The following TRPM3 variants were observed in gnomAD, a reference collection of about 807,000 sequenced individuals.
TRPM3 encodes the protein transient receptor potential cation channel subfamily M member 3.
In TRPM3, 77 loss-of-function variants were observed where a neutral mutation model predicts 181.2. The ratio of observed to expected loss-of-function variants is 0.42; its 90% CI spans 0.35 to 0.51. The LOEUF (loss-of-function observed/expected upper bound fraction) is 0.51. TRPM3 is among the 20% of genes least tolerant of loss of function. The pLI is 0.01. For missense variants in TRPM3, 1,759 were observed against 2,196.7 expected (o/e 0.80, Z 3.98); for synonymous variants, 745 against 796.4 (o/e 0.94, Z 1.09).
intron 1 of TRPM3, among the ~76,000 whole-genome samples, chr9:71,153,599 A>G (rs2075844720): frequency 6.6e-6 from 1 of 152,010 alleles, no homozygotes; most frequent in Admixed American, 6.6e-5. Flanking sequence ...TTGTTTTTCT[A>G]AATGTCTATA....
chr9:70,797,755 C>G (rs1363014966), intron 6 of TRPM3, among the ~76,000 whole-genome samples: 1 of 152,192 alleles, frequency 6.6e-6, no homozygotes, highest in African/African-American at 2.4e-5. Context: ...ACGGTTTGCT[C>G]AGCTCTGCCT....
At chr9:71,369,267 AAG>A (rs1215940231) in intron 1 of TRPM3, among the ~76,000 whole-genome samples, 3 of 152,300 alleles carry the variant, frequency 2.0e-5, no homozygotes, top group East Asian at 3.9e-4. Flanking sequence ...GAGGAGAAAA[AAG>A]AGGGAAAATA....
chr9:70,843,800 A>G (rs2094824791), intron 4 of TRPM3, among the ~76,000 whole-genome samples: 1 of 152,126 alleles, frequency 6.6e-6, no homozygotes, highest in African/African-American at 2.4e-5. Flanking sequence ...TTTAAAAACC[A>G]TTTAAAGAAG....
chr9:71,357,492 G>T (rs2091951172), intron 1 of TRPM3, among the ~76,000 whole-genome samples: 1 of 152,122 alleles, frequency 6.6e-6, no homozygotes, highest in Non-Finnish European at 1.5e-5. Flanking sequence ...TGCATACAAA[G>T]ATAGCAGTAC....
At chr9:71,262,352 G>A (rs74842151) in intron 1 of TRPM3, among the ~76,000 whole-genome samples, 13,504 of 152,138 alleles carry the variant, frequency 0.089, 758 homozygotes, top group Non-Finnish European at 0.11. Flanking sequence ...CAGTAATGGC[G>A]GACGTCCCTC....
In TRPM3 at chr9:71,017,780, A is replaced by G. The variant is rs532733071; in HGVS notation, c.177+103398T>C. On this transcript the variant is annotated intron_variant, in intron 1 of 25. Transcript: ENST00000677713. Reference sequence around the variant, plus strand: ...AACACACCTTTCTCGAAACTGATAGAATACGCAGGAAAAATGTCACAAAAA... The same window carrying G: ...AACACACCTTTCTCGAAACTGATAGGATACGCAGGAAAAATGTCACAAAAA... Among the ~76,000 whole-genome samples the G allele has an allele frequency of 2.0e-5, 3 of 152,004 alleles. No individual in the cohort carries two copies. In the South Asian group the frequency reaches 6.2e-4, roughly 31 times the overall value.
chr9:70,759,368 C>T (rs999249216), intron 8 of TRPM3, among the ~76,000 whole-genome samples: 1 of 152,326 alleles, frequency 6.6e-6, no homozygotes, highest in Non-Finnish European at 1.5e-5. Context: ...AATAGAAACA[C>T]TTTTACACTG....
intron 1 of TRPM3, among the ~76,000 whole-genome samples, chr9:71,062,525 T>A (rs957584714): frequency 6.6e-6 from 1 of 151,960 alleles, no homozygotes; most frequent in African/African-American, 2.4e-5. Flanking sequence ...GCCAGTGGAG[T>A]GATGCTTAAA....
chr9:70,607,915 C>T (rs528240178), intron 19 of TRPM3, among the ~76,000 whole-genome samples: 38 of 152,330 alleles, frequency 2.5e-4, no homozygotes, highest in African/African-American at 9.1e-4. Context: ...AGCAGTCAGT[C>T]AGCCTATTGC....
chr9:70,855,155 A>G (rs918312855), intron 3 of TRPM3, among the ~76,000 whole-genome samples: 3 of 152,206 alleles, frequency 2.0e-5, no homozygotes, highest in African/African-American at 7.2e-5. Flanking sequence ...CTATCAAAGC[A>G]GAACTCAACT....
intron 1 of TRPM3, among the ~76,000 whole-genome samples, chr9:71,420,856 AAAGAGAG>A (rs374119561): frequency 0.016 from 1 of 64 alleles, no homozygotes; most frequent in Non-Finnish European, 0.05. Context: ...AGAGAGAGAG[AAAGAGAG>A]AGAGGGAGAG....
intron 1 of TRPM3, among the ~76,000 whole-genome samples, chr9:71,420,813 A>AGAGAAAG (rs1565557668): frequency 2.7e-4 from 3 of 10,944 alleles, no homozygotes; most frequent in African/African-American, 6.4e-4. Context: ...GAGAGAAAGA[A>AGAGAAAG]AGAGAGAAAG....
At chr9:71,184,952 T>A (rs1278354411) in intron 1 of TRPM3, among the ~76,000 whole-genome samples, 1 of 152,082 alleles carries the variant, frequency 6.6e-6, no homozygotes, top group African/African-American at 2.4e-5. Flanking sequence ...TAGAAACACA[T>A]ACACACACAA....
intron 22 of TRPM3, among the ~76,000 whole-genome samples, chr9:70,590,625 C>T (rs1272899911): frequency 6.6e-6 from 1 of 152,152 alleles, no homozygotes; most frequent in East Asian, 1.9e-4. Context: ...TTTATTTGTT[C>T]TGAAGTCCAA....
intron 1 of TRPM3, among the ~76,000 whole-genome samples, chr9:70,956,606 C>T (rs79116746): frequency 6.6e-6 from 1 of 152,040 alleles, no homozygotes; most frequent in Non-Finnish European, 1.5e-5. Context: ...AATTCTTAGG[C>T]TGGGCATGGT....
At chr9:71,210,924 T>C (rs1299703140) in intron 1 of TRPM3, among the ~76,000 whole-genome samples, 2 of 152,228 alleles carry the variant, frequency 1.3e-5, no homozygotes, top group East Asian at 1.9e-4. Flanking sequence ...GCATACACTC[T>C]GGTGTCTCTT....
chr9:70,817,966 T>C (rs993318937), intron 6 of TRPM3, among the ~76,000 whole-genome samples: 1 of 152,178 alleles, frequency 6.6e-6, no homozygotes, highest in Non-Finnish European at 1.5e-5. Flanking sequence ...TTGGAACTGT[T>C]ATTTCTGTTA....
intron 1 of TRPM3, among the ~76,000 whole-genome samples, chr9:71,146,070 A>G (rs1214099615): frequency 2.0e-5 from 3 of 152,196 alleles, no homozygotes; most frequent in African/African-American, 7.2e-5. Flanking sequence ...TCAATTTTCC[A>G]TTTACAGACA....
rs1251923769 is a variant in TRPM3 at position 70,534,515 on chromosome 9, C to T, written c.*1438G>A. 6.6e-6 allele frequency: 1 copy of T among 152,136 alleles called. No homozygotes were observed. The highest frequency in any genetic ancestry group is 1.5e-5 in the Non-Finnish European group (1 of 68,022). 9.4% of individuals were successfully genotyped at this position (152,136 alleles called of 1,614,324 possible). A position where few individuals can be genotyped will look rare whatever the true frequency, so the allele number is the denominator to read the frequency against. ...ATTTATTTTATATATAAATATGTGT[C>T]TCTGCATAAATGCATATACATGTGT... On this transcript the variant is annotated 3_prime_UTR_variant, in exon 26 of 26. Transcript: ENST00000677713.
Sources: allele counts gnomAD v4.1 joint callset (sites outside exome capture counted in the v4.1 genomes callset), GRCh38; gene constraint gnomAD v4.1.1; transcripts MANE v1.5; gene names NCBI Gene and HGNC (gene_info 2026-07-23, HGNC 2026-07-21).